MUC12: variants seen among roughly 807,000 people sequenced by gnomAD.
MUC12 encodes mucin-12.
MUC12 carries 172 observed loss-of-function variants against 230.8 expected under a neutral mutation model. The ratio of observed to expected loss-of-function variants is 0.75; its 90% CI spans 0.66 to 0.85. The LOEUF is 0.85. MUC12 is among the 40% of genes least tolerant of loss of function. MUC12 has a pLI of 0.00. For missense variants in MUC12, 3,506 were observed against 5,920.6 expected, an observed-to-expected ratio of 0.59 and a Z score of 13.38; for synonymous variants, 1,259 against 2,401.9, an observed-to-expected ratio of 0.52 and a Z score of 13.91.
intron 5 of MUC12, among the ~76,000 whole-genome samples, chr7:101,010,555 G>A (rs1793826347): frequency 6.6e-6 from 1 of 151,784 alleles, no homozygotes; most frequent in African/African-American, 2.4e-5. Flanking sequence ...TTGCTCTGTC[G>A]CCTGGGCTGG....
At chr7:100,980,568 A>C (rs11765099) in intron 1 of MUC12, among the ~76,000 whole-genome samples, 60,833 of 151,912 alleles carry the variant, frequency 0.4, 12,613 homozygotes, top group East Asian at 0.58. Context: ...TTCTTGTATA[A>C]ATTTTATTTT....
chr7:100,977,135 T>TG (rs1793045446), intron 1 of MUC12, among the ~76,000 whole-genome samples: 1 of 146,976 alleles, frequency 6.8e-6, no homozygotes, highest in Admixed American at 6.7e-5. Flanking sequence ...GATTTGAACC[T>TG]AAGCTTTCCA....
intron 1 of MUC12, among the ~76,000 whole-genome samples, chr7:100,977,176 T>A (rs1793045991): frequency 6.6e-6 from 1 of 151,500 alleles, no homozygotes; most frequent in South Asian, 2.1e-4. Context: ...TACCACTTGC[T>A]ATAATTGGGG....
chr7:100,987,059 GGTTTT>G (rs1275645711), intron 1 of MUC12, among the ~76,000 whole-genome samples: 1 of 110,590 alleles, frequency 9.0e-6, no homozygotes, highest in Non-Finnish European at 1.7e-5. Flanking sequence ...CCAAGATAAT[GGTTTT>G]TTTTTTTTTT....
rs755477877 is a variant in MUC12 at position 101,002,929 on chromosome 7, T to A, written c.12366T>A (p.Ser4122Arg). The change falls in exon 2 of 12, where the codon AGT (serine) becomes AGA (arginine). Residue 4122 changes from serine to arginine, a missense_variant. Ser to Arg is a moderately radical substitution (Grantham distance 110). Transcript: ENST00000536621. ...CTCCAACAACACACTTTTCTGCCAG[T>A]TCCACAACCTTGGGCCGTAGTGAGG... is the stretch of plus-strand genomic sequence containing the variant. ...SSTPTTHFSA[S>R]STTLGRSEES... 57 of 1,256,180 alleles carry A rather than the reference T, an allele frequency of 4.5e-5. No homozygotes were observed. The highest frequency in any genetic ancestry group is 8.5e-5 in the African/African-American group (5 of 58,750). 77.8% of individuals were successfully genotyped at this position (1,256,180 alleles called of 1,614,324 possible). A position where few individuals can be genotyped will look rare whatever the true frequency, so the allele number is the denominator to read the frequency against.
chr7:101,016,606 T>C (rs1326590266), intron 10 of MUC12, among the ~76,000 whole-genome samples: 1 of 150,786 alleles, frequency 6.6e-6, no homozygotes, highest in African/African-American at 2.4e-5. Context: ...TGAACCACCA[T>C]GCCCGGTCAC....
At chr7:101,014,653 T>G (rs572565201) in intron 9 of MUC12, among the ~76,000 whole-genome samples, 36 of 152,172 alleles carry the variant, frequency 2.4e-4, no homozygotes, top group Admixed American at 7.2e-4. Flanking sequence ...AATTTTTGTA[T>G]TTTTAGTAGA....
chr7:101,012,306 A>T lies in MUC12; in HGVS notation c.15262A>T (p.Ile5088Phe). 6.5e-7 allele frequency: 1 copy of T among 1,537,196 alleles called. No homozygotes were observed. Among genetic ancestry groups the T allele is most frequent in the Non-Finnish European group, 8.7e-7 (1 of 1,146,886 alleles). The stretch of plus-strand genomic sequence containing the variant: ...GATTCCCACTTCCAGCAACGGTAGC[A>T]TCGTGGTCAAGAACGATGTCATCCT... ...VNIRRLLNGS[I>F]VVKNDVILEA... The change falls in exon 6 of 12, where the codon ATC becomes TTC. Residue 5088 changes from isoleucine (I) to phenylalanine (F), a missense_variant. Physicochemically the swap from Ile to Phe is conservative, Grantham distance 21 (BLOSUM62 0). Coordinates refer to ENST00000536621, the MANE Select transcript of MUC12 (RefSeq NM_001164462.2).
At position 101,005,419 on chromosome 7, in the gene MUC12, C is replaced by T. The variant is rs1436280148; in HGVS notation, c.14856C>T (p.Ser4952=). The T allele has an allele frequency of 2.0e-6, 3 of 1,537,956 alleles. No homozygotes were observed. The highest frequency in any genetic ancestry group is 1.4e-5 in the African/African-American group (1 of 73,158). ...ACACAACACTCTTTCCTGCGAGTTC[C>T]AGCACATCAGGCCTCACTGAGGAAT... ...PTYTTLFPAS[S]STSGLTEEST... The change falls in exon 2 of 12, where the codon TCC becomes TCT. Residue 4952 remains serine, a synonymous_variant. Coordinates refer to ENST00000536621, the MANE Select transcript of MUC12 (RefSeq NM_001164462.2).
rs534927943 is a variant in MUC12, at chr7:101,004,810, C to G, written c.14247C>G (p.Asp4749Glu). Reference protein sequence around the residue: ...TILYSSSRSPDQTLSPASMTS... With the variant: ...TILYSSSRSPEQTLSPASMTS... ...TTTACAGTAGCTCCAGATCACCAGACCAAACACTCTCACCTGCCAGCATGA... is the reference window on the plus strand; with the variant it reads ...TTTACAGTAGCTCCAGATCACCAGAGCAAACACTCTCACCTGCCAGCATGA... The change falls in exon 2 of 12, where the codon GAC becomes GAG. Residue 4749 changes from aspartate (D) to glutamate (E), a missense_variant. By Grantham distance (45) the Asp-to-Glu change is conservative. Transcript: ENST00000536621. 4.6e-6 allele frequency: 7 copies of G among 1,537,656 alleles called. No homozygotes were observed. Among genetic ancestry groups the G allele is most frequent in the South Asian group, 1.2e-5 (1 of 84,052 alleles).
rs1251822562 is a variant in MUC12, at chr7:100,992,606, C to A, written c.2043C>A (p.Gly681=). ...TTTCTGCCCGCTCCACAACCTCAGG[C>A]CTCGTTGAAGAATCTACGACCTACC... ...THISARSTTS[G]LVEESTTYHS... The change falls in exon 2 of 12, where the codon GGC becomes GGA. Residue 681 remains glycine (G), a synonymous_variant. Transcript: ENST00000536621. The A allele has an allele frequency of 5.2e-6, 8 of 1,537,382 alleles. No individual in the cohort carries two copies. The highest frequency in any genetic ancestry group is 7.0e-6 in the Non-Finnish European group (8 of 1,146,934).
At chr7:101,013,858 G>C (rs1329783630) in intron 8 of MUC12, 55 bp from the exon 9 acceptor site, 3 of 1,490,194 alleles carry the variant, frequency 2.0e-6, no homozygotes, top group Non-Finnish European at 2.7e-6. Context: ...TAACCCTTGG[G>C]ATATTGGATG....
rs764050168 is a variant in MUC12 at position 101,009,104 on chromosome 7, G to A, written c.15196G>A (p.Val5066Ile). The change falls in exon 5 of 12, where the codon GTT becomes ATT. Residue 5066 changes from valine to isoleucine, a missense_variant. Transcript: ENST00000536621. ...STLFKNRMDV[V>I]LKGDNLPQYR... ...GCCTTGTTTCTTTCAGATGGATGTC[G>A]TTTTGAAGGGCGACAATCTTCCTCA... 1.6e-5 allele frequency: 24 copies of A among 1,537,744 alleles called. No individual in the cohort carries two copies. The highest frequency in any genetic ancestry group is 6.8e-5 in the African/African-American group (5 of 73,028).
chr7:100,976,263 G>A (rs1025886503), intron 1 of MUC12, among the ~76,000 whole-genome samples: 2 of 151,420 alleles, frequency 1.3e-5, no homozygotes, highest in Non-Finnish European at 2.9e-5. Context: ...GGGTGACAGA[G>A]CAAGACATTA....
rs1457643974 is a variant in MUC12, at chr7:100,990,682, C to A, written c.119C>A (p.Pro40His). 1.3e-6 allele frequency: 2 copies of A among 1,537,622 alleles called. No homozygotes were observed. The highest frequency in any genetic ancestry group is 2.0e-5 in the Admixed American group (1 of 50,976). The change falls in exon 2 of 12, where the codon CCC (proline) becomes CAC (histidine). Residue 40 changes from proline (P) to histidine (H), a missense_variant. By Grantham distance (77) the Pro-to-His change is moderately conservative. Coordinates refer to ENST00000536621, the MANE Select transcript of MUC12 (RefSeq NM_001164462.2). ...GGTAATACAACTTCTGCATCCACACCCAGTTCAAGCGACCCTTTTACCACC... is the reference window on the plus strand; with the variant it reads ...GGTAATACAACTTCTGCATCCACACACAGTTCAAGCGACCCTTTTACCACC... ...IGGNTTSAST[P>H]SSSDPFTTFS... is the part of the protein sequence containing the mutation.
At position 101,005,641 on chromosome 7, in the gene MUC12, CG is replaced by C. The variant is rs2116346174; in HGVS notation, c.14956+123del. Reference sequence around the variant, plus strand: ...TGTCTTCCACTTTACTTGGGTCTACCGATTATCCAGTTTCTGGGTTCGATAC... The same window carrying C: ...TGTCTTCCACTTTACTTGGGTCTACCATTATCCAGTTTCTGGGTTCGATAC... On this transcript the variant is annotated intron_variant, in intron 2 of 11. Transcript: ENST00000536621. The C allele has an allele frequency of 3.4e-5, 42 of 1,252,266 alleles. No individual in the cohort carries two copies. The South Asian group carries it at 6.6e-4, about 20-fold the overall frequency. The allele number at this position is 1,252,266 out of a possible 1,614,324, so 77.6% of individuals were successfully genotyped here.
intron 5 of MUC12, among the ~76,000 whole-genome samples, chr7:101,010,833 A>G (rs962953870): frequency 7.9e-5 from 12 of 152,216 alleles, no homozygotes; most frequent in Middle Eastern, 3.4e-3. Context: ...TAATTTTTGC[A>G]GAGATGGGGT....
chr7:100,974,321 A>T (rs1281518179), intron 1 of MUC12, among the ~76,000 whole-genome samples: 2 of 151,804 alleles, frequency 1.3e-5, no homozygotes, highest in Non-Finnish European at 2.9e-5. Context: ...AATGAGATGT[A>T]TGTTAGGCCA....
chr7:100,977,602 G>A (rs1198156640), intron 1 of MUC12, among the ~76,000 whole-genome samples: 1 of 152,178 alleles, frequency 6.6e-6, no homozygotes, highest in Non-Finnish European at 1.5e-5. Context: ...CTGACCTCGT[G>A]ATCCACCCAC....
Sources: allele counts gnomAD v4.1 joint callset (sites outside exome capture counted in the v4.1 genomes callset), GRCh38; gene constraint gnomAD v4.1.1; transcripts MANE v1.5; gene names NCBI Gene and HGNC (gene_info 2026-07-23, HGNC 2026-07-21).